OTUD7A: variants seen among roughly 807,000 people sequenced by gnomAD.
The protein encoded by OTUD7A is OTU domain-containing protein 7A.
Under a neutral mutation model 65.7 loss-of-function variants are expected in OTUD7A, and 12 were observed. The observed-to-expected ratio is 0.18, with a 90% CI of 0.12 to 0.30. OTUD7A has a LOEUF of 0.30. Among genes scored for constraint, OTUD7A ranks in the 10% least tolerant of loss-of-function variants. The probability of loss-of-function intolerance (pLI) is 1.00; values close to 1 mark genes in which losing one functional copy is unlikely to be tolerated. For synonymous variants in OTUD7A, 641 were observed against 586.3 expected (o/e 1.09, Z -1.35); for missense variants, 1,148 against 1,304.8 (o/e 0.88, Z 1.85).
At chr15:31,833,663 A>G (rs1896988264) in intron 1 of OTUD7A, among the ~76,000 whole-genome samples, 1 of 152,246 alleles carries the variant, frequency 6.6e-6, no homozygotes. Context: ...AAAGTGTTGT[A>G]GTTACTATTT....
intron 1 of OTUD7A, among the ~76,000 whole-genome samples, chr15:31,673,310 T>C (rs1442636024): frequency 6.6e-6 from 1 of 152,192 alleles, no homozygotes; most frequent in African/African-American, 2.4e-5. Context: ...TAATAATCAA[T>C]AGTTTTGAAG....
At chr15:31,502,919 G>T (rs532491875) in intron 9 of OTUD7A, among the ~76,000 whole-genome samples, 1 of 152,210 alleles carries the variant, frequency 6.6e-6, no homozygotes, top group Non-Finnish European at 1.5e-5. Flanking sequence ...GTGATTTAGC[G>T]TGAAGAGCCA....
chr15:31,569,957 C>T, intron 4 of OTUD7A, 61 bp downstream of exon 4: 1 of 1,581,278 alleles, frequency 6.3e-7, no homozygotes, highest in Admixed American at 1.7e-5. Context: ...ACGCAACCCG[C>T]CTGCAAGCTG....
intron 3 of OTUD7A, among the ~76,000 whole-genome samples, chr15:31,615,602 A>G (rs977227556): frequency 1.3e-5 from 2 of 152,252 alleles, no homozygotes; most frequent in African/African-American, 2.4e-5. Context: ...TCCAATTAAC[A>G]TATACAGATC....
chr15:31,602,027 A>T (rs553240194), intron 3 of OTUD7A, among the ~76,000 whole-genome samples: 1 of 152,350 alleles, frequency 6.6e-6, no homozygotes, highest in African/African-American at 2.4e-5. Flanking sequence ...CCAAAGGTAC[A>T]AAGAGGAGCT....
chr15:31,690,989 G>A (rs1892948681), intron 1 of OTUD7A, among the ~76,000 whole-genome samples: 1 of 152,036 alleles, frequency 6.6e-6, no homozygotes, highest in South Asian at 2.1e-4. Flanking sequence ...TCAACAAAGT[G>A]AAAAGGCAAC....
intron 3 of OTUD7A, among the ~76,000 whole-genome samples, chr15:31,607,543 A>T (rs1443091781): frequency 6.6e-6 from 1 of 152,200 alleles, no homozygotes; most frequent in African/African-American, 2.4e-5. Flanking sequence ...TCAAAATCTT[A>T]ATATATAATA....
chr15:31,642,817 T>C (rs1455137005), intron 3 of OTUD7A, among the ~76,000 whole-genome samples: 2 of 152,118 alleles, frequency 1.3e-5, no homozygotes, highest in Non-Finnish European at 2.9e-5. Flanking sequence ...ATTTTATTGA[T>C]CTCAAAGAAC....
intron 1 of OTUD7A, among the ~76,000 whole-genome samples, chr15:31,836,433 C>T (rs1183636545): frequency 6.6e-6 from 1 of 152,114 alleles, no homozygotes. Context: ...AAGATCTAAA[C>T]AAAATTTACA....
chr15:31,800,973 GAAAC>G (rs1274688255), intron 1 of OTUD7A, among the ~76,000 whole-genome samples: 3 of 134,966 alleles, frequency 2.2e-5, no homozygotes, highest in Non-Finnish European at 3.1e-5. Flanking sequence ...TGCTGTGCCA[GAAAC>G]AAACAAACAA....
chr15:31,494,677 A>G (rs1431829258), intron 10 of OTUD7A, among the ~76,000 whole-genome samples: 2 of 152,180 alleles, frequency 1.3e-5, no homozygotes, highest in Non-Finnish European at 2.9e-5. Flanking sequence ...CTCTGTGCAC[A>G]CATCAGATGT....
At position 31,498,377 on chromosome 15, in the gene OTUD7A, A is replaced by T. The variant is rs2041417544; in HGVS notation, c.1171+3313T>A. Among the ~76,000 whole-genome samples the T allele has an allele frequency of 6.6e-6, 1 of 152,208 alleles. No individual in the cohort carries two copies. Among genetic ancestry groups the T allele is most frequent in the Non-Finnish European group, 1.5e-5 (1 of 68,028 alleles). ...AAATGGACTTTATTCCAACACAGGT[A>T]ACATTATCCATGAATTTCATTTCAG... On this transcript the variant is annotated intron_variant, in intron 10 of 12. Transcript: ENST00000307050. This position sits in a 1 kb window ranked among gnomAD's most constrained non-coding sequence, Gnocchi z 4.2.
At chr15:31,796,924 T>C (rs536984318) in intron 1 of OTUD7A, among the ~76,000 whole-genome samples, 8 of 152,128 alleles carry the variant, frequency 5.3e-5, no homozygotes, top group Non-Finnish European at 8.8e-5. Context: ...AGTAGAGACA[T>C]GGTTTCACCA....
rs747026174 is a variant in OTUD7A at position 31,484,674 on chromosome 15, C to T, written c.1422G>A (p.Val474=). Residue 474 remains valine (V), a synonymous_variant, in exon 13 of 13, where the codon GTG becomes GTA. Coordinates refer to ENST00000307050, the MANE Select transcript of OTUD7A (RefSeq NM_001382637.1). The surrounding 1 kb of genome is among the most constrained non-coding windows in gnomAD (Gnocchi z 4.5). ...ESPTASAGED[V]QSLADSLDSD... The stretch of plus-strand genomic sequence containing the variant: ...AGTCCAGCGAGTCGGCCAGGGACTG[C>T]ACGTCCTCCCCTGCCGAGGCCGTGG... 6 of 1,582,180 alleles carry T rather than the reference C, an allele frequency of 3.8e-6. No homozygotes were observed. Among genetic ancestry groups the T allele is most frequent in the South Asian group, 2.3e-5 (2 of 88,070 alleles).
chr15:31,760,931 T>G (rs575140519), intron 1 of OTUD7A, among the ~76,000 whole-genome samples: 197 of 152,286 alleles, frequency 1.3e-3, no homozygotes, highest in African/African-American at 4.5e-3. Flanking sequence ...TTTTTTTGTT[T>G]TTTTGTTTTT....
intron 1 of OTUD7A, among the ~76,000 whole-genome samples, chr15:31,680,842 G>A (rs1416216111): frequency 4.0e-5 from 6 of 151,864 alleles, no homozygotes; most frequent in African/African-American, 1.2e-4. Context: ...CACAAACCCC[G>A]GGGAAAGGCA....
At chr15:31,539,514 GT>G (rs1887921337) in intron 5 of OTUD7A, among the ~76,000 whole-genome samples, 3 of 152,136 alleles carry the variant, frequency 2.0e-5, no homozygotes, top group African/African-American at 7.2e-5. Flanking sequence ...AAGAGAGAAT[GT>G]TTTTCAAAAA....
intron 1 of OTUD7A, among the ~76,000 whole-genome samples, chr15:31,774,528 C>T (rs1895320334): frequency 6.6e-6 from 1 of 152,354 alleles, no homozygotes; most frequent in South Asian, 2.1e-4. Context: ...ACTTGCCACT[C>T]TGAAATAAAG....
At chr15:31,668,096 TTAGA>T (rs1326648709) in intron 1 of OTUD7A, among the ~76,000 whole-genome samples, 1 of 152,230 alleles carries the variant, frequency 6.6e-6, no homozygotes, top group Non-Finnish European at 1.5e-5. Flanking sequence ...CATCTGAACT[TTAGA>T]TAATCTGATG....
Sources: gnomAD v4.1 joint callset for allele counts (sites outside exome capture counted in the v4.1 genomes callset) on GRCh38, gnomAD v4.1.1 for gene constraint, Gnocchi (gnomAD v3.1) non-coding constraint, MANE v1.5 for transcripts, NCBI Gene and HGNC (gene_info 2026-07-23, HGNC 2026-07-21) for gene names.